PRKCB: variants seen among roughly 807,000 people sequenced by gnomAD.
PRKCB encodes the protein protein kinase C beta type.
PRKCB carries 13 observed loss-of-function variants against 81.5 expected under a neutral mutation model. That is an observed-to-expected ratio of 0.16 (90% CI 0.10 to 0.25). PRKCB has a LOEUF of 0.25. Ranked by LOEUF, PRKCB falls within the 10% of genes least tolerant of loss-of-function variation. The pLI is 1.00. For synonymous variants in PRKCB, 335 were observed against 321.4 expected (o/e 1.04, Z -0.45); for missense variants, 509 against 875.7 (o/e 0.58, Z 5.29).
Position 23,899,367 on chromosome 16 carries a change from C to A in PRKCB, c.205+61961C>A, listed in dbSNP as rs541071128. Among the ~76,000 whole-genome samples the A allele has an allele frequency of 9.9e-5, 15 of 152,256 alleles. No individual in the cohort carries two copies. The South Asian group carries it at 1.5e-3, about 15-fold the overall frequency. Reference sequence around the variant, plus strand: ...ATTCCATTCCTTATCCATTGTAAGACCAGTACATTCCCTGTTCTTTAACTC... The same window carrying A: ...ATTCCATTCCTTATCCATTGTAAGAACAGTACATTCCCTGTTCTTTAACTC... On this transcript the variant is annotated intron_variant, in intron 2 of 16. Coordinates refer to ENST00000643927, the MANE Select transcript of PRKCB (RefSeq NM_002738.7).
At chr16:24,178,701 G>T (rs546075589) in intron 12 of PRKCB, among the ~76,000 whole-genome samples, 1 of 152,200 alleles carries the variant, frequency 6.6e-6, no homozygotes, top group Non-Finnish European at 1.5e-5. Context: ...CACGGACAGC[G>T]CCAAAGGCAT....
At position 24,218,991 on chromosome 16, in the gene PRKCB, A is replaced by G. The variant is rs1291355172; in HGVS notation, c.*4175A>G. The G allele has an allele frequency of 2.0e-6, 2 of 985,374 alleles. No homozygotes were observed. Among genetic ancestry groups the G allele is most frequent in the Non-Finnish European group, 2.4e-6 (2 of 829,912 alleles). The allele number at this position is 985,374 out of a possible 1,614,324, so 61.0% of individuals were successfully genotyped here. On this transcript the variant is annotated 3_prime_UTR_variant, in exon 17 of 17. Coordinates refer to ENST00000643927, the MANE Select transcript of PRKCB (RefSeq NM_002738.7). ...GCCTCGGTTCTCTCATATGTCATATATAGGAGGTGAGGACTCCAGCTCCAC... is the reference window on the plus strand; with the variant it reads ...GCCTCGGTTCTCTCATATGTCATATGTAGGAGGTGAGGACTCCAGCTCCAC...
chr16:23,993,838 T>TG (rs1964921309), intron 3 of PRKCB, among the ~76,000 whole-genome samples: 1 of 152,202 alleles, frequency 6.6e-6, no homozygotes, highest in South Asian at 2.1e-4. Flanking sequence ...ATCATGGTGT[T>TG]GCTAGAAGTG....
intron 5 of PRKCB, among the ~76,000 whole-genome samples, chr16:24,081,220 C>A (rs937466593): frequency 6.6e-6 from 1 of 151,104 alleles, no homozygotes. Context: ...AAATACACTC[C>A]GTCCAAATGA....
chr16:23,997,513 G>A (rs7188988), intron 3 of PRKCB, among the ~76,000 whole-genome samples: 85,560 of 152,052 alleles, frequency 0.56, 24,336 homozygotes, highest in South Asian at 0.77. Flanking sequence ...AGCTATGACC[G>A]TGTGACCAGT....
In PRKCB at chr16:24,219,963, A is replaced by G. The variant is rs927361887; in HGVS notation, c.*5147A>G. 1.1e-5 allele frequency: 17 copies of G among 1,613,826 alleles called. No individual in the cohort carries two copies. In the African/African-American group the frequency reaches 2.1e-4, roughly 20 times the overall value. On this transcript the variant is annotated 3_prime_UTR_variant, in exon 17 of 17. Coordinates refer to ENST00000643927, the MANE Select transcript of PRKCB (RefSeq NM_002738.7). The stretch of plus-strand genomic sequence containing the variant: ...TGTGTTTACTTTCCATTTGGCAGAG[A>G]GACAAGAGAGACACCTCCAACTTCG...
chr16:24,048,946 C>G (rs1304118959), intron 5 of PRKCB, among the ~76,000 whole-genome samples: 1 of 151,778 alleles, frequency 6.6e-6, no homozygotes, highest in Non-Finnish European at 1.5e-5. Flanking sequence ...TCCATTTTCC[C>G]CAACACTTCC....
At chr16:23,952,816 C>T (rs773823460) in intron 2 of PRKCB, among the ~76,000 whole-genome samples, 17 of 152,260 alleles carry the variant, frequency 1.1e-4, no homozygotes, top group Non-Finnish European at 2.4e-4. Flanking sequence ...AGGTTATTGC[C>T]ATGGAAATGC....
chr16:24,039,077 A>T (rs1276825802), intron 5 of PRKCB, among the ~76,000 whole-genome samples: 1 of 152,168 alleles, frequency 6.6e-6, no homozygotes, highest in Non-Finnish European at 1.5e-5. Context: ...AAGAGAGATC[A>T]TTCTGTCTCC....
chr16:24,028,650 A>G (rs1965513273), intron 3 of PRKCB, among the ~76,000 whole-genome samples: 1 of 152,246 alleles, frequency 6.6e-6, no homozygotes, highest in Non-Finnish European at 1.5e-5. Context: ...TGCATGTGTC[A>G]ATAGTTCATT....
chr16:23,877,870 G>A (rs925650973), intron 2 of PRKCB, among the ~76,000 whole-genome samples: 1 of 148,972 alleles, frequency 6.7e-6, no homozygotes, highest in Non-Finnish European at 1.5e-5. Flanking sequence ...GTCTCACTCC[G>A]TCATCCACAC....
At chr16:24,117,397 GATGGCGCAC>G (rs1281704382) in intron 8 of PRKCB, among the ~76,000 whole-genome samples, 1 of 152,174 alleles carries the variant, frequency 6.6e-6, no homozygotes, top group Non-Finnish European at 1.5e-5. Flanking sequence ...CTCCATTTTG[GATGGCGCAC>G]AGTGGGATTT....
chr16:24,090,491 G>A (rs1467538315), intron 5 of PRKCB, among the ~76,000 whole-genome samples: 2 of 152,148 alleles, frequency 1.3e-5, no homozygotes, highest in East Asian at 1.9e-4. Flanking sequence ...TAGGGCTGGG[G>A]TCATGTGAGA....
At chr16:24,069,550 C>T (rs1966081247) in intron 5 of PRKCB, among the ~76,000 whole-genome samples, 1 of 152,096 alleles carries the variant, frequency 6.6e-6, no homozygotes, top group African/African-American at 2.4e-5. Context: ...TGATTTCAGC[C>T]TGCAACATAG....
intron 8 of PRKCB, among the ~76,000 whole-genome samples, chr16:24,119,096 G>C (rs115997057): frequency 6.6e-6 from 1 of 150,416 alleles, no homozygotes; most frequent in Non-Finnish European, 1.5e-5. Flanking sequence ...AACAAACTCT[G>C]TGCAGACCAG....
chr16:24,191,217 A>G lies in PRKCB; in HGVS notation c.1850A>G (p.Tyr617Cys). 6.2e-7 allele frequency: 1 copy of G among 1,614,096 alleles called. No homozygotes were observed. Among genetic ancestry groups the G allele is most frequent in the Non-Finnish European group, 8.5e-7 (1 of 1,179,952 alleles). Residue 617 changes from tyrosine to cysteine, a missense_variant, in exon 16 of 17, where the codon TAT becomes TGT. Around this residue, in one of 6 missense-constraint regions of PRKCB, gnomAD observed 104 missense variants for 160.5 expected, o/e 0.65. Coordinates refer to ENST00000643927, the MANE Select transcript of PRKCB (RefSeq NM_002738.7). ...KLERKEIQPP[Y>C]KPKACGRNAE... ...GAACGCAAAGAGATCCAGCCCCCTT[A>G]TAAGCCAAAAGCTGTAAGTAGCCCA...
intron 3 of PRKCB, among the ~76,000 whole-genome samples, chr16:24,014,042 G>A (rs984013784): frequency 1.3e-5 from 2 of 152,196 alleles, no homozygotes; most frequent in African/African-American, 2.4e-5. Flanking sequence ...TCTATACAGA[G>A]GATCTTTCTG....
At chr16:24,001,109 C>G (rs1567339982) in intron 3 of PRKCB, among the ~76,000 whole-genome samples, 1 of 151,942 alleles carries the variant, frequency 6.6e-6, no homozygotes, top group Non-Finnish European at 1.5e-5. Flanking sequence ...TCTGGAGGAG[C>G]CTCTCCTGCT....
chr16:23,983,872 C>G (rs2141818380), intron 2 of PRKCB, among the ~76,000 whole-genome samples: 1 of 152,010 alleles, frequency 6.6e-6, no homozygotes, highest in Non-Finnish European at 1.5e-5. Context: ...CCTGCCACCA[C>G]ACTTTGCTAA....
Sources: allele counts gnomAD v4.1 joint callset (sites outside exome capture counted in the v4.1 genomes callset), GRCh38; gene constraint gnomAD v4.1.1; regional missense constraint gnomAD v4.1.1; transcripts MANE v1.5; gene names NCBI Gene and HGNC (gene_info 2026-07-23, HGNC 2026-07-21).